Variants in TMEFF2 observed in about 807,000 individuals in gnomAD.
TMEFF2 encodes the protein transmembrane protein with EGF like and two follistatin like domains 2.
A neutral mutation model predicts 53.8 loss-of-function variants in TMEFF2; 28 were observed. The observed-to-expected ratio is 0.52, with a 90% CI of 0.39 to 0.71. The LOEUF is 0.71. Ranked by LOEUF, TMEFF2 falls within the 30% of genes least tolerant of loss-of-function variation. The pLI is 0.00. For missense variants in TMEFF2, 353 were observed against 455.2 expected, an observed-to-expected ratio of 0.78 and a Z score of 2.04; for synonymous variants, 162 against 166.3, an observed-to-expected ratio of 0.97 and a Z score of 0.20.
At chr2:192,065,828 A>G (rs1162201123) in intron 4 of TMEFF2, among the ~76,000 whole-genome samples, 2 of 151,820 alleles carry the variant, frequency 1.3e-5, no homozygotes, top group East Asian at 3.9e-4. Flanking sequence ...TATTTGACTT[A>G]GAAAAATAAA....
intron 2 of TMEFF2, among the ~76,000 whole-genome samples, chr2:192,190,387 G>C (rs982933720): frequency 5.9e-5 from 9 of 151,992 alleles, no homozygotes; most frequent in African/African-American, 2.2e-4. Flanking sequence ...AAAATTCTCT[G>C]GGACTTTAAT....
intron 5 of TMEFF2, chr2:192,021,878 A>G (rs1686868470): frequency 6.6e-6 from 1 of 152,208 alleles, no homozygotes; most frequent in African/African-American, 2.4e-5. Context: ...CTCATAGCTT[A>G]GTTCTTTCAT....
intron 5 of TMEFF2, among the ~76,000 whole-genome samples, chr2:192,019,656 G>T (rs1272847735): frequency 1.3e-5 from 2 of 150,790 alleles, no homozygotes; most frequent in Admixed American, 6.6e-5. Flanking sequence ...TCTTTTTCAG[G>T]GTCCTTGTAT....
chr2:192,162,444 C>T (rs1270603404), intron 4 of TMEFF2, among the ~76,000 whole-genome samples: 1 of 152,126 alleles, frequency 6.6e-6, no homozygotes. Context: ...AAACTCGTAC[C>T]ATAGTGAAGA....
chr2:192,139,589 A>C (rs1482475410), intron 4 of TMEFF2, among the ~76,000 whole-genome samples: 2 of 152,230 alleles, frequency 1.3e-5, no homozygotes, highest in African/African-American at 4.8e-5. Flanking sequence ...CCAATTTTCA[A>C]AAATGGATAA....
intron 4 of TMEFF2, chr2:192,179,027 T>C (rs547222456): frequency 6.0e-5 from 3 of 50,248 alleles, no homozygotes; most frequent in South Asian, 1.2e-3. Flanking sequence ...GATCAAACTT[T>C]TAAAGTTTCT....
chr2:191,953,538 C>A (rs1691953485), intron 9 of TMEFF2, 141 bp downstream of exon 9: 3 of 845,070 alleles, frequency 3.5e-6, no homozygotes, highest in Non-Finnish European at 5.3e-6. Flanking sequence ...TATTCAAATA[C>A]TCTTATGCTA....
At chr2:192,158,686 A>G (rs1690563951) in intron 4 of TMEFF2, among the ~76,000 whole-genome samples, 1 of 152,104 alleles carries the variant, frequency 6.6e-6, no homozygotes, top group African/African-American at 2.4e-5. Flanking sequence ...GAGACTTACA[A>G]GTAAGGATTC....
intron 4 of TMEFF2, among the ~76,000 whole-genome samples, chr2:192,059,894 TAA>T (rs2105905500): frequency 6.6e-6 from 1 of 152,254 alleles, no homozygotes; most frequent in South Asian, 2.1e-4. Flanking sequence ...AAATATAAAA[TAA>T]AGTATTTCCA....
chr2:192,100,878 C>T (rs1689016984), intron 4 of TMEFF2, among the ~76,000 whole-genome samples: 1 of 152,040 alleles, frequency 6.6e-6, no homozygotes, highest in Non-Finnish European at 1.5e-5. Context: ...AATATGTTTC[C>T]TTATATGAGT....
intron 4 of TMEFF2, among the ~76,000 whole-genome samples, chr2:192,146,629 A>G (rs1160438816): frequency 6.6e-6 from 1 of 152,060 alleles, no homozygotes; most frequent in African/African-American, 2.4e-5. Context: ...AGAGGCCCAT[A>G]GAAACAGCCT....
chr2:192,137,734 C>T (rs72918176), intron 4 of TMEFF2, among the ~76,000 whole-genome samples: 39,580 of 149,662 alleles, frequency 0.26, 6,491 homozygotes, highest in Admixed American at 0.35. Context: ...GAGTAAAATA[C>T]ATCTATCTAT....
At chr2:192,151,976 C>T (rs1690399046) in intron 4 of TMEFF2, among the ~76,000 whole-genome samples, 1 of 151,702 alleles carries the variant, frequency 6.6e-6, no homozygotes, top group Non-Finnish European at 1.5e-5. Flanking sequence ...TGAGTCATGT[C>T]CTTAGTGGCT....
chr2:191,953,882 C>CCTTTTTTT (rs1559057998), intron 8 of TMEFF2, 45 bp from the exon 9 acceptor site: 2 of 624,534 alleles, frequency 3.2e-6, no homozygotes, highest in Non-Finnish European at 4.6e-6. Context: ...GTGCTGCATT[C>CCTTTTTTT]ATTTTTTTTT....
chr2:192,129,785 C>T (rs934312270), intron 4 of TMEFF2, among the ~76,000 whole-genome samples: 1 of 152,194 alleles, frequency 6.6e-6, no homozygotes, highest in Non-Finnish European at 1.5e-5. Flanking sequence ...GCATAATCTA[C>T]AGTACATACA....
At chr2:191,951,015 C>CA (rs1243818518) in intron 9 of TMEFF2, among the ~76,000 whole-genome samples, 3 of 151,860 alleles carry the variant, frequency 2.0e-5, no homozygotes, top group Non-Finnish European at 4.4e-5. Context: ...TCTCTTGTAA[C>CA]AAAAAATGCT....
intron 4 of TMEFF2, among the ~76,000 whole-genome samples, chr2:192,136,189 GTTA>G (rs1178502851): frequency 2.0e-5 from 3 of 152,058 alleles, no homozygotes; most frequent in African/African-American, 7.2e-5. Flanking sequence ...TAATTCAGCA[GTTA>G]TTATAATCCA....
At chr2:192,010,471 G>A (rs960220936) in intron 5 of TMEFF2, among the ~76,000 whole-genome samples, 6 of 152,142 alleles carry the variant, frequency 3.9e-5, no homozygotes, top group Non-Finnish European at 8.8e-5. Context: ...GTGAACCCCA[G>A]GTAAGGTCCT....
At chr2:192,179,451 AG>A (rs1691132146) in intron 4 of TMEFF2, 1 of 413,358 alleles carries the variant, frequency 2.4e-6, no homozygotes, top group African/African-American at 2.1e-5. Flanking sequence ...TGAACAAGGA[AG>A]GTTAACTGGA....
Sources: allele counts gnomAD v4.1 joint callset (sites outside exome capture counted in the v4.1 genomes callset), GRCh38; gene constraint gnomAD v4.1.1; transcripts MANE v1.5; gene names NCBI Gene and HGNC (gene_info 2026-07-23, HGNC 2026-07-21).